Variants in ITGA1 observed in about 807,000 individuals in gnomAD.
The protein encoded by ITGA1 is integrin subunit alpha 1, also known as integrin alpha-1.
Under a neutral mutation model 145.9 loss-of-function variants are expected in ITGA1, and 85 were observed. That is an observed-to-expected ratio of 0.58 (90% CI 0.49 to 0.70). The LOEUF (loss-of-function observed/expected upper bound fraction) is 0.70, where lower values mean the gene tolerates loss of function less well. ITGA1 is among the 30% of genes least tolerant of loss of function. ITGA1 has a pLI of 0.00. For missense variants in ITGA1, 1,351 were observed against 1,418.7 expected (o/e 0.95, Z 0.77); for synonymous variants, 520 against 495.3 (o/e 1.05, Z -0.66).
chr5:52,836,533 C>T (rs776279088), intron 1 of ITGA1, among the ~76,000 whole-genome samples: 11 of 152,066 alleles, frequency 7.2e-5, no homozygotes, highest in Non-Finnish European at 1.5e-4. Flanking sequence ...AATATGAATG[C>T]GAGATGACAG....
At chr5:52,861,611 C>A in intron 3 of ITGA1, 52 bp downstream of exon 3, 1 of 1,018,086 alleles carries the variant, frequency 9.8e-7, no homozygotes, top group Non-Finnish European at 1.6e-6. Flanking sequence ...TGAGTCACGC[C>A]TGTAATCCCC....
chr5:52,863,357 C>T (rs938727584), intron 3 of ITGA1, among the ~76,000 whole-genome samples: 1 of 151,982 alleles, frequency 6.6e-6, no homozygotes, highest in Non-Finnish European at 1.5e-5. Flanking sequence ...ATACTACTCT[C>T]CTCCTCATTT....
chr5:52,817,543 T>C (rs904214037), intron 1 of ITGA1, among the ~76,000 whole-genome samples: 1 of 152,222 alleles, frequency 6.6e-6, no homozygotes, highest in Non-Finnish European at 1.5e-5. Context: ...GTAGAGATTA[T>C]CTTCCTTCCA....
rs1403398631 is a variant in ITGA1, at chr5:52,954,890, AC to A, written c.*2440del. ...AACAAATGTTTCAAAACAGCTTTGT[AC>A]AAATGTTATAAAACATATTTAATGA... On this transcript the variant is annotated 3_prime_UTR_variant, in exon 29 of 29. Coordinates refer to ENST00000282588, the MANE Select transcript of ITGA1 (RefSeq NM_181501.2). 1 of 152,232 alleles carries A rather than the reference AC, an allele frequency of 6.6e-6. No individual in the cohort carries two copies. The highest frequency in any genetic ancestry group is 1.5e-5 in the Non-Finnish European group (1 of 68,036). The allele number at this position is 152,232 out of a possible 1,614,324, so 9.4% of individuals were successfully genotyped here. A position where few individuals can be genotyped will look rare whatever the true frequency, so the allele number is the denominator to read the frequency against.
intron 7 of ITGA1, among the ~76,000 whole-genome samples, chr5:52,885,547 G>A (rs1019990742): frequency 1.8e-4 from 28 of 152,314 alleles, no homozygotes; most frequent in African/African-American, 6.3e-4. Flanking sequence ...CAGAGGCAGA[G>A]ACCAAATATA....
intron 1 of ITGA1, among the ~76,000 whole-genome samples, chr5:52,796,541 T>C (rs1245812986): frequency 6.6e-6 from 1 of 152,012 alleles, no homozygotes; most frequent in African/African-American, 2.4e-5. Context: ...AAAATAAATA[T>C]ATAACTACAG....
intron 2 of ITGA1, among the ~76,000 whole-genome samples, chr5:52,858,162 A>G (rs960017206): frequency 6.6e-6 from 1 of 152,204 alleles, no homozygotes; most frequent in African/African-American, 2.4e-5. Flanking sequence ...ACTTCAAGCA[A>G]ATAAGCTTTG....
At position 52,922,783 on chromosome 5, in the gene ITGA1, C is replaced by T. The variant is rs1750749498; in HGVS notation, c.2299C>T (p.His767Tyr). ...TKHSFYMLDK[H>Y]DFQDSVRITL... ...TTTATGTTTCACCCTCTAGGACAAGCATGACTTTCAGGACTCTGTGAGAAT... is the reference window on the plus strand; with the variant it reads ...TTTATGTTTCACCCTCTAGGACAAGTATGACTTTCAGGACTCTGTGAGAAT... Residue 767 changes from histidine (H) to tyrosine (Y), a missense_variant, in exon 18 of 29, where the codon CAT becomes TAT. Coordinates refer to ENST00000282588, the MANE Select transcript of ITGA1 (RefSeq NM_181501.2). The T allele has an allele frequency of 6.2e-7, 1 of 1,605,308 alleles. No individual in the cohort carries two copies. The highest frequency in any genetic ancestry group is 1.3e-5 in the African/African-American group (1 of 74,700).
At chr5:52,911,734 C>G (rs899783711) in intron 14 of ITGA1, among the ~76,000 whole-genome samples, 4 of 136,610 alleles carry the variant, frequency 2.9e-5, no homozygotes, top group Non-Finnish European at 6.2e-5. Context: ...TATAGTGTAT[C>G]TACTATATAT....
intron 20 of ITGA1, among the ~76,000 whole-genome samples, chr5:52,929,175 T>A (rs146837184): frequency 1.3e-5 from 2 of 152,158 alleles, no homozygotes; most frequent in African/African-American, 4.8e-5. Context: ...CACTGGTAGA[T>A]CTAGTGTCTG....
chr5:52,855,622 TA>T (rs1229858358), intron 2 of ITGA1, among the ~76,000 whole-genome samples: 1 of 152,130 alleles, frequency 6.6e-6, no homozygotes, highest in African/African-American at 2.4e-5. Flanking sequence ...ACAGGTAGGT[TA>T]CATCAAATGC....
chr5:52,853,757 G>A (rs528292011), intron 2 of ITGA1, among the ~76,000 whole-genome samples: 14 of 152,266 alleles, frequency 9.2e-5, no homozygotes, highest in East Asian at 7.7e-4. Flanking sequence ...AAGATCAGCT[G>A]TTGTTCATTA....
chr5:52,835,532 A>G (rs927650564), intron 1 of ITGA1, among the ~76,000 whole-genome samples: 10 of 152,178 alleles, frequency 6.6e-5, no homozygotes, highest in African/African-American at 2.4e-4. Flanking sequence ...GGTGGCCATT[A>G]CTTGACATTC....
chr5:52,898,035 A>G (rs1273037389), intron 10 of ITGA1, among the ~76,000 whole-genome samples: 1 of 152,186 alleles, frequency 6.6e-6, no homozygotes, highest in African/African-American at 2.4e-5. Context: ...TAACTTGGGT[A>G]AGTTATTTGT....
chr5:52,806,432 C>T (rs538485251), intron 1 of ITGA1, among the ~76,000 whole-genome samples: 18 of 151,612 alleles, frequency 1.2e-4, no homozygotes, highest in Admixed American at 5.3e-4. Context: ...GTAAACTTCA[C>T]GTAGAAATAA....
intron 1 of ITGA1, among the ~76,000 whole-genome samples, chr5:52,811,961 G>C (rs1483957210): frequency 6.6e-6 from 1 of 152,160 alleles, no homozygotes; most frequent in Non-Finnish European, 1.5e-5. Flanking sequence ...AGAATATTTG[G>C]GAAAGGAGCC....
intron 6 of ITGA1, among the ~76,000 whole-genome samples, chr5:52,868,101 T>C (rs1244655524): frequency 6.6e-6 from 1 of 152,180 alleles, no homozygotes; most frequent in Non-Finnish European, 1.5e-5. Flanking sequence ...TTCCTTCTTC[T>C]TGTTTTGTCC....
At chr5:52,926,546 G>A (rs1448904423) in intron 19 of ITGA1, among the ~76,000 whole-genome samples, 3 of 152,110 alleles carry the variant, frequency 2.0e-5, no homozygotes. Context: ...AGGTTGCAGT[G>A]AGCCGAGATT....
chr5:52,892,828 T>C (rs545926035), intron 8 of ITGA1, among the ~76,000 whole-genome samples: 1 of 151,698 alleles, frequency 6.6e-6, no homozygotes, highest in African/African-American at 2.4e-5. Flanking sequence ...GTTGCCAGGG[T>C]TGAACGAGGG....
Sources: allele counts gnomAD v4.1 joint callset (sites outside exome capture counted in the v4.1 genomes callset), GRCh38; gene constraint gnomAD v4.1.1; transcripts MANE v1.5; gene names NCBI Gene and HGNC (gene_info 2026-07-23, HGNC 2026-07-21).